LMCD1: variants seen among roughly 807,000 people sequenced by gnomAD.
The protein encoded by LMCD1 is LIM and cysteine rich domains 1.
In LMCD1, 32 loss-of-function variants were observed where a neutral mutation model predicts 42.7. The observed-to-expected ratio is 0.75, with a 90% confidence interval of 0.57 to 1.01. The LOEUF is 1.01. Among genes scored for constraint, LMCD1 ranks in the 50% least tolerant of loss-of-function variants. The probability of loss-of-function intolerance (pLI) is 0.00; values close to 1 mark genes in which losing one functional copy is unlikely to be tolerated. For missense variants in LMCD1, 458 were observed against 483.1 expected, an observed-to-expected ratio of 0.95 and a Z score of 0.49; for synonymous variants, 178 against 184.9, an observed-to-expected ratio of 0.96 and a Z score of 0.30.
intron 1 of LMCD1, among the ~76,000 whole-genome samples, chr3:8,516,081 C>CT (rs1306594630): frequency 6.6e-6 from 1 of 152,162 alleles, no homozygotes; most frequent in African/African-American, 2.4e-5. Flanking sequence ...AAAAGATGGG[C>CT]TTTAGGATGG....
At chr3:8,558,476 C>A (rs1694967749) in intron 4 of LMCD1, among the ~76,000 whole-genome samples, 1 of 152,228 alleles carries the variant, frequency 6.6e-6, no homozygotes, top group Non-Finnish European at 1.5e-5. Context: ...AGGTTTGTTT[C>A]ACACATCCTC....
chr3:8,539,419 G>A (rs1694575263), intron 3 of LMCD1, among the ~76,000 whole-genome samples: 1 of 152,128 alleles, frequency 6.6e-6, no homozygotes, highest in African/African-American at 2.4e-5. Flanking sequence ...ACTAGACAGG[G>A]GCTTGTCCCG....
At chr3:8,525,416 G>A (rs1252257330) in intron 1 of LMCD1, among the ~76,000 whole-genome samples, 2 of 152,048 alleles carry the variant, frequency 1.3e-5, no homozygotes, top group Non-Finnish European at 2.9e-5. Context: ...GTGTGTGTTT[G>A]TGTGTGTGTA....
intron 1 of LMCD1, among the ~76,000 whole-genome samples, chr3:8,531,683 G>C (rs1055360209): frequency 2.0e-5 from 3 of 152,164 alleles, no homozygotes; most frequent in Admixed American, 2.0e-4. Flanking sequence ...GGAGATGAAT[G>C]TGTTTTTCTC....
rs773534193 is a variant in LMCD1 at position 8,537,255 on chromosome 3, A to C, written c.202A>C (p.Lys68Gln). 6.2e-7 allele frequency: 1 copy of C among 1,614,018 alleles called. No individual in the cohort carries two copies. Among genetic ancestry groups the C allele is most frequent in the African/African-American group, 1.3e-5 (1 of 74,898 alleles). Residue 68 changes from lysine to glutamine, a missense_variant, in exon 3 of 6, where the codon AAA (lysine) becomes CAA (glutamine). By Grantham distance (53) the Lys-to-Gln change is moderately conservative (BLOSUM62 1). Transcript: ENST00000157600. ...CLTSDLEDDR[K>Q]IGRLLMDSKY... is the part of the protein sequence containing the mutation. ...AACATCTGACCTAGAAGACGATCGGAAAATTGGCCGCTTGCTGATGGACTC... is the reference window on the plus strand; with the variant it reads ...AACATCTGACCTAGAAGACGATCGGCAAATTGGCCGCTTGCTGATGGACTC...
chr3:8,560,556 A>G (rs1489347042), intron 4 of LMCD1, among the ~76,000 whole-genome samples: 2 of 152,240 alleles, frequency 1.3e-5, no homozygotes, highest in Non-Finnish European at 2.9e-5. Context: ...GTGAACTGAC[A>G]CGAAGTCCCT....
intron 3 of LMCD1, among the ~76,000 whole-genome samples, chr3:8,547,618 C>T (rs1468925334): frequency 6.6e-6 from 1 of 152,100 alleles, no homozygotes; most frequent in Non-Finnish European, 1.5e-5. Flanking sequence ...CACAGCCAGG[C>T]GCGGTGGCTC....
chr3:8,556,428 G>T (rs1694934770), intron 4 of LMCD1, among the ~76,000 whole-genome samples: 2 of 151,784 alleles, frequency 1.3e-5, no homozygotes, highest in Admixed American at 1.3e-4. Flanking sequence ...GTGTGTGTGT[G>T]TTGGATCAGG....
chr3:8,551,984 C>T (rs1694850160), intron 4 of LMCD1, among the ~76,000 whole-genome samples: 1 of 152,204 alleles, frequency 6.6e-6, no homozygotes, highest in Admixed American at 6.5e-5. Flanking sequence ...TTGTAGGACT[C>T]AGCCTGACAC....
intron 1 of LMCD1, among the ~76,000 whole-genome samples, chr3:8,505,523 C>G (rs932023121): frequency 1.3e-5 from 2 of 152,194 alleles, no homozygotes; most frequent in Non-Finnish European, 2.9e-5. Flanking sequence ...AGAATACAGA[C>G]CCCTTGACTG....
In LMCD1 at chr3:8,501,863, G is replaced by C. The variant is rs1211211540; in HGVS notation, c.-76G>C. 2.1e-6 allele frequency: 3 copies of C among 1,410,016 alleles called. No homozygotes were observed. The South Asian group carries it at 3.8e-5, about 18-fold the overall frequency. The allele number at this position is 1,410,016 out of a possible 1,614,324, so 87.3% of individuals were successfully genotyped here. On this transcript the variant is annotated 5_prime_UTR_variant, in exon 1 of 6. Transcript: ENST00000157600. ...CCAGGCCCGCGAACTTGGCCATTCA[G>C]CCGCCGCTGTCCCCGCTGCGCGCCC...
At chr3:8,546,158 A>G (rs913224429) in intron 3 of LMCD1, among the ~76,000 whole-genome samples, 2 of 152,102 alleles carry the variant, frequency 1.3e-5, no homozygotes, top group African/African-American at 4.8e-5. Flanking sequence ...AACAAAAAAA[A>G]AGAGAAAGTC....
At chr3:8,531,172 C>T (rs1238527656) in intron 1 of LMCD1, among the ~76,000 whole-genome samples, 1 of 152,178 alleles carries the variant, frequency 6.6e-6, no homozygotes, top group Non-Finnish European at 1.5e-5. Flanking sequence ...TTGTATTTTC[C>T]CTCTTAAATG....
chr3:8,503,695 C>G lies in LMCD1; in HGVS notation c.42+1715C>G, dbSNP rs115998616. ...AAGACCACACTGTTTGCATAGGCTT[C>G]ATTTTATGCATTATTTTTTAACTTG... On this transcript the variant is annotated intron_variant, in intron 1 of 5. Transcript: ENST00000157600. Among the ~76,000 whole-genome samples the G allele has an allele frequency of 6.8e-3, 1,042 of 152,272 alleles. 8 individuals carry two copies. The highest frequency in any genetic ancestry group is 0.014 in the Middle Eastern group (4 of 294).
chr3:8,510,043 C>T (rs1485331013), intron 1 of LMCD1, among the ~76,000 whole-genome samples: 2 of 152,262 alleles, frequency 1.3e-5, no homozygotes, highest in Admixed American at 6.5e-5. Flanking sequence ...GTCAGGGACA[C>T]CAAAGGGCAG....
intron 2 of LMCD1, among the ~76,000 whole-genome samples, chr3:8,534,860 G>A (rs1213674242): frequency 6.6e-6 from 1 of 152,194 alleles, no homozygotes; most frequent in Non-Finnish European, 1.5e-5. Context: ...TCCTAGAAAT[G>A]TGCCTGGCCA....
intron 1 of LMCD1, among the ~76,000 whole-genome samples, chr3:8,508,312 G>C (rs755519729): frequency 1.3e-5 from 2 of 152,050 alleles, no homozygotes; most frequent in Non-Finnish European, 2.9e-5. Flanking sequence ...TCATGACCAA[G>C]CCAAACATGG....
intron 5 of LMCD1, among the ~76,000 whole-genome samples, chr3:8,566,709 A>G (rs1695138557): frequency 6.6e-6 from 1 of 152,224 alleles, no homozygotes; most frequent in Non-Finnish European, 1.5e-5. Flanking sequence ...CACGTTTAAG[A>G]AAAGTGCAGC....
chr3:8,551,723 T>C lies in LMCD1; in HGVS notation c.723+2820T>C, dbSNP rs557064411. 7.9e-4 allele frequency among the ~76,000 whole-genome samples: 120 copies of C among 152,288 alleles called. 1 individual carries two copies. The highest frequency in any genetic ancestry group is 2.8e-3 in the African/African-American group (116 of 41,558). On this transcript the variant is annotated intron_variant, in intron 4 of 5. Transcript: ENST00000157600. ...AGTGTGTTCCCAGCAACCCCGCCATTAGGAGTGGGTGTGGGCTGCACTCCC... is the reference window on the plus strand; with the variant it reads ...AGTGTGTTCCCAGCAACCCCGCCATCAGGAGTGGGTGTGGGCTGCACTCCC...
Sources: allele counts gnomAD v4.1 joint callset (sites outside exome capture counted in the v4.1 genomes callset), GRCh38; gene constraint gnomAD v4.1.1; transcripts MANE v1.5; gene names NCBI Gene and HGNC (gene_info 2026-07-23, HGNC 2026-07-21).